IFT80: variants seen among roughly 807,000 people sequenced by gnomAD.
The protein encoded by IFT80 is intraflagellar transport 80.
IFT80 carries 79 observed loss-of-function variants against 107.9 expected under a neutral mutation model. The ratio of observed to expected loss-of-function variants is 0.73; its 90% CI spans 0.61 to 0.88. The LOEUF (loss-of-function observed/expected upper bound fraction) is 0.88, where lower values mean the gene tolerates loss of function less well. Ranked by LOEUF, IFT80 falls within the 40% of genes least tolerant of loss-of-function variation. The pLI is 0.00. For synonymous variants in IFT80, 299 were observed against 300.9 expected, an observed-to-expected ratio of 0.99 and a Z score of 0.07; for missense variants, 797 against 914.2, an observed-to-expected ratio of 0.87 and a Z score of 1.65.
At chr3:160,331,305 T>C (rs1719072952) in intron 8 of IFT80, among the ~76,000 whole-genome samples, 1 of 152,194 alleles carries the variant, frequency 6.6e-6, no homozygotes, top group African/African-American at 2.4e-5. Flanking sequence ...GGATGATTCA[T>C]GTCCTGGGAA....
chr3:160,275,092 T>C (rs1714151691), intron 18 of IFT80, among the ~76,000 whole-genome samples: 1 of 152,240 alleles, frequency 6.6e-6, no homozygotes, highest in Non-Finnish European at 1.5e-5. Flanking sequence ...TGGTAATATC[T>C]AAACTTCTGG....
chr3:160,371,520 T>C (rs529551655), intron 5 of IFT80, among the ~76,000 whole-genome samples: 18 of 152,260 alleles, frequency 1.2e-4, no homozygotes, highest in African/African-American at 3.8e-4. Context: ...CAGCTCACTG[T>C]AGCCCCAACG....
intron 8 of IFT80, among the ~76,000 whole-genome samples, chr3:160,339,186 T>A (rs1039567223): frequency 2.0e-5 from 3 of 152,190 alleles, no homozygotes; most frequent in African/African-American, 7.2e-5. Context: ...AAGTAATATC[T>A]CTATTAAAAA....
chr3:160,336,902 T>C (rs1719519798), intron 8 of IFT80, among the ~76,000 whole-genome samples: 1 of 152,156 alleles, frequency 6.6e-6, no homozygotes, highest in African/African-American at 2.4e-5. Context: ...ATGCCACACA[T>C]TTTTTAGGGC....
chr3:160,281,913 G>A (rs1001299552), intron 14 of IFT80, among the ~76,000 whole-genome samples: 1 of 152,188 alleles, frequency 6.6e-6, no homozygotes, highest in Non-Finnish European at 1.5e-5. Flanking sequence ...ATCAAACAGT[G>A]CACTTGATCT....
chr3:160,292,129 C>T (rs1436936193), intron 12 of IFT80, among the ~76,000 whole-genome samples: 1 of 152,204 alleles, frequency 6.6e-6, no homozygotes, highest in Non-Finnish European at 1.5e-5. Context: ...AGGGTCCTGA[C>T]ATGAATAGAT....
intron 8 of IFT80, among the ~76,000 whole-genome samples, chr3:160,340,063 T>A (rs562221022): frequency 6.6e-6 from 1 of 152,320 alleles, no homozygotes; most frequent in Non-Finnish European, 1.5e-5. Flanking sequence ...TCTTTTCACA[T>A]GCTCTAAAGT....
intron 1 of IFT80, 78 bp from the exon 2 acceptor site, chr3:160,384,724 A>G (rs1280987935): frequency 9.1e-7 from 1 of 1,103,840 alleles, no homozygotes; most frequent in African/African-American, 1.6e-5. Context: ...AAGGCAAACA[A>G]AACATCATTG....
At chr3:160,267,219 C>T (rs6791567) in intron 19 of IFT80, among the ~76,000 whole-genome samples, 10,700 of 152,168 alleles carry the variant, frequency 0.07, 609 homozygotes, top group African/African-American at 0.15. Flanking sequence ...CAAGACACTA[C>T]GTATTCTAAA....
Position 160,273,528 on chromosome 3 carries a change from G to C in IFT80, c.2099+3778C>G, listed in dbSNP as rs1713990178. On this transcript the variant is annotated intron_variant, in intron 18 of 19. Coordinates refer to ENST00000326448, the MANE Select transcript of IFT80 (RefSeq NM_020800.3). ...GGTTGATAATAGGGAGGGCGAAGGT[G>C]AGGAAAATGTTAAAAGTAACTTCTA... Among the ~76,000 whole-genome samples the C allele has an allele frequency of 1.3e-5, 2 of 152,148 alleles. 1 individual carries two copies. The highest frequency in any genetic ancestry group is 4.1e-4 in the South Asian group (2 of 4,830).
intron 5 of IFT80, among the ~76,000 whole-genome samples, chr3:160,366,930 T>A (rs1031599620): frequency 2.0e-5 from 3 of 151,958 alleles, no homozygotes; most frequent in Non-Finnish European, 4.4e-5. Context: ...ACCCCCTCAC[T>A]ACCTTTCCCA....
intron 15 of IFT80, among the ~76,000 whole-genome samples, chr3:160,280,308 G>C (rs1714587728): frequency 6.6e-6 from 1 of 152,158 alleles, no homozygotes; most frequent in Non-Finnish European, 1.5e-5. Flanking sequence ...TAACGTCAAT[G>C]ATAATCTGTG....
chr3:160,374,434 GAAA>G (rs983779465), intron 5 of IFT80, among the ~76,000 whole-genome samples: 30 of 151,400 alleles, frequency 2.0e-4, no homozygotes, highest in Non-Finnish European at 3.2e-4. Context: ...AGAAAAGAAA[GAAA>G]AAGAAAAAAT....
chr3:160,269,100 A>G (rs1234413835), intron 18 of IFT80, among the ~76,000 whole-genome samples: 1 of 152,026 alleles, frequency 6.6e-6, no homozygotes, highest in East Asian at 1.9e-4. Context: ...GTGGTGGTAC[A>G]TGCCTGTAAC....
At chr3:160,339,194 AAAC>A (rs1283590820) in intron 8 of IFT80, among the ~76,000 whole-genome samples, 2 of 152,198 alleles carry the variant, frequency 1.3e-5, no homozygotes, top group Non-Finnish European at 2.9e-5. Context: ...TCTCTATTAA[AAAC>A]AACAACATGC....
intron 8 of IFT80, among the ~76,000 whole-genome samples, chr3:160,327,522 T>C (rs1414725566): frequency 1.3e-5 from 2 of 151,996 alleles, no homozygotes; most frequent in African/African-American, 4.8e-5. Flanking sequence ...GAAATAAGAC[T>C]GCACACCTAC....
Position 160,258,595 on chromosome 3 carries a change from A to T in IFT80, c.2264T>A (p.Met755Lys). Residue 755 changes from methionine to lysine, a missense_variant, in exon 20 of 20, where the codon ATG becomes AAG. Coordinates refer to ENST00000326448, the MANE Select transcript of IFT80 (RefSeq NM_020800.3). The stretch of plus-strand genomic sequence containing the variant: ...TTGCTCTCTTTCTTTTGTAATTTCC[A>T]TCTCAATTTTGGCTTTGATTTTCTC... The part of the protein sequence containing the change: ...DWEKIKAKIE[M>K]EITKEREQSS... 1 of 1,613,330 alleles carries T rather than the reference A, an allele frequency of 6.2e-7. No homozygotes were observed. The highest frequency in any genetic ancestry group is 8.5e-7 in the Non-Finnish European group (1 of 1,179,918).
At chr3:160,300,804 A>C in intron 12 of IFT80, 79 bp downstream of exon 12, 1 of 1,127,008 alleles carries the variant, frequency 8.9e-7, no homozygotes, top group Non-Finnish European at 1.3e-6. Context: ...TAGATAAGAA[A>C]ATGTAAGTTA....
chr3:160,279,003 T>A (rs527894284), intron 16 of IFT80, among the ~76,000 whole-genome samples, 190 bp downstream of exon 16: 1 of 152,210 alleles, frequency 6.6e-6, no homozygotes, highest in Non-Finnish European at 1.5e-5. Context: ...TAAATTTTTA[T>A]AGCGTCTTCA....
Sources: gnomAD v4.1 joint callset for allele counts (sites outside exome capture counted in the v4.1 genomes callset) on GRCh38, gnomAD v4.1.1 for gene constraint, MANE v1.5 for transcripts, NCBI Gene and HGNC (gene_info 2026-07-23, HGNC 2026-07-21) for gene names.